The following RBFOX1 variants were observed in gnomAD, a reference collection of about 807,000 sequenced individuals.
The protein encoded by RBFOX1 is RNA binding fox-1 homolog 1.
In RBFOX1, 8 loss-of-function variants were observed where a neutral mutation model predicts 57.7. The observed-to-expected ratio is 0.14, with a 90% confidence interval of 0.08 to 0.25. RBFOX1 has a LOEUF of 0.25. Among genes scored for constraint, RBFOX1 ranks in the 10% least tolerant of loss-of-function variants. The pLI, the probability that RBFOX1 is intolerant of heterozygous loss-of-function variation, is 1.00. For synonymous variants in RBFOX1, 326 were observed against 222.4 expected, an observed-to-expected ratio of 1.47 and a Z score of -4.15; for missense variants, 611 against 548.5, an observed-to-expected ratio of 1.11 and a Z score of -1.14.
chr16:7,081,290 C>T (rs1411247313), intron 4 of RBFOX1, among the ~76,000 whole-genome samples: 1 of 152,204 alleles, frequency 6.6e-6, no homozygotes, highest in Non-Finnish European at 1.5e-5. Flanking sequence ...CAGCCTTGGC[C>T]TCCCAAAGTG....
chr16:6,476,505 G>A (rs1237662946), intron 2 of RBFOX1, among the ~76,000 whole-genome samples: 1 of 152,178 alleles, frequency 6.6e-6, no homozygotes, highest in Non-Finnish European at 1.5e-5. Flanking sequence ...GTGTGCAATA[G>A]CATTGTATCT....
intron 4 of RBFOX1, among the ~76,000 whole-genome samples, chr16:7,279,427 C>G (rs1040131876): frequency 1.3e-5 from 2 of 152,158 alleles, no homozygotes; most frequent in Non-Finnish European, 2.9e-5. Flanking sequence ...CTTTCTGTTA[C>G]TCGTTTATTC....
At chr16:5,747,992 G>T (rs557706437) in intron 3 of RBFOX1, among the ~76,000 whole-genome samples, 2 of 152,142 alleles carry the variant, frequency 1.3e-5, no homozygotes, top group South Asian at 4.2e-4. Flanking sequence ...GATCTTTCCT[G>T]CTTTCTGTTG....
In RBFOX1 at chr16:6,019,842, C is replaced by G; in HGVS notation, c.-277C>G. On this transcript the variant is annotated 5_prime_UTR_variant, in exon 1 of 16. Transcript: ENST00000550418. The surrounding 1 kb of genome is among the most constrained non-coding windows in gnomAD (Gnocchi z 4.2). ...CGCGCCAGGGCGGGGCTGACCTGCC[C>G]GCGAAGTTGCGGACAGTGCGTGAGA... 6.6e-7 allele frequency: 1 copy of G among 1,524,926 alleles called. No individual in the cohort carries two copies. The highest frequency in any genetic ancestry group is 8.8e-7 in the Non-Finnish European group (1 of 1,140,522). The allele number at this position is 1,524,926 out of a possible 1,614,324, so 94.5% of individuals were successfully genotyped here.
chr16:5,555,520 G>A (rs895640942), intron 2 of RBFOX1, among the ~76,000 whole-genome samples: 1 of 151,928 alleles, frequency 6.6e-6, no homozygotes, highest in African/African-American at 2.4e-5. Flanking sequence ...CAAAGTGCTG[G>A]GATTACAGGC....
At chr16:6,295,784 C>G (rs1323074706) in intron 1 of RBFOX1, among the ~76,000 whole-genome samples, 1 of 152,086 alleles carries the variant, frequency 6.6e-6, no homozygotes, top group African/African-American at 2.4e-5. Context: ...GTGCAGAGCC[C>G]GCTGTTCACA....
chr16:6,854,650 A>G (rs1295722448), intron 3 of RBFOX1, among the ~76,000 whole-genome samples: 1 of 126,636 alleles, frequency 7.9e-6, no homozygotes, highest in Non-Finnish European at 1.5e-5. Flanking sequence ...GCTGGAGTGC[A>G]GTGGCGCTAT....
chr16:6,325,697 G>T (rs1159554350), intron 2 of RBFOX1, among the ~76,000 whole-genome samples: 2 of 152,084 alleles, frequency 1.3e-5, no homozygotes, highest in African/African-American at 4.8e-5. Flanking sequence ...TGGTTAATAC[G>T]ATATGGAAAC....
intron 2 of RBFOX1, among the ~76,000 whole-genome samples, chr16:6,522,247 C>A (rs2096516048): frequency 6.6e-6 from 1 of 151,198 alleles, no homozygotes; most frequent in African/African-American, 2.4e-5. Flanking sequence ...TAAACCTCTG[C>A]CCTACCCCCA....
chr16:7,655,785 A>G (rs2066158457), intron 12 of RBFOX1, among the ~76,000 whole-genome samples: 1 of 152,228 alleles, frequency 6.6e-6, no homozygotes, highest in Non-Finnish European at 1.5e-5. Context: ...TCTCACTACT[A>G]TATTGAAGAG....
chr16:5,499,434 C>G (rs374339471), intron 2 of RBFOX1, among the ~76,000 whole-genome samples: 2 of 152,188 alleles, frequency 1.3e-5, no homozygotes, highest in East Asian at 1.9e-4. Flanking sequence ...GTGTAAACAT[C>G]AACTCTTCAC....
At chr16:6,004,381 G>C (rs2060656663) in intron 4 of RBFOX1, among the ~76,000 whole-genome samples, 1 of 152,144 alleles carries the variant, frequency 6.6e-6, no homozygotes, top group Admixed American at 6.5e-5. Flanking sequence ...GAGTCATAAT[G>C]AGGGTTTACA....
At position 6,944,046 on chromosome 16, in the gene RBFOX1, C is replaced by T. The variant is rs114412651; in HGVS notation, c.-15-108011C>T. 1.9e-3 allele frequency among the ~76,000 whole-genome samples: 290 copies of T among 152,214 alleles called. 1 individual carries two copies. The highest frequency in any genetic ancestry group is 6.5e-3 in the African/African-American group (270 of 41,534). ...GCTGAAGTTTTTATTTTAACAGGGA[C>T]AACCAACACTGCAAAGCCTGAAACC... is the stretch of plus-strand genomic sequence containing the variant. On this transcript the variant is annotated intron_variant, in intron 3 of 15. Transcript: ENST00000550418.
intron 1 of RBFOX1, among the ~76,000 whole-genome samples, chr16:5,438,315 AAG>A (rs1422986352): frequency 3.9e-5 from 6 of 152,176 alleles, no homozygotes; most frequent in Non-Finnish European, 8.8e-5. Context: ...ACAGGTAGGA[AAG>A]AGGGAGGATC....
rs143633229 is a variant in RBFOX1, at chr16:6,246,828, GA to G, written c.-126-70166del. ...TCACGCCTATAATCCCAGCACTTTA[GA>G]TGGCTGAGGCGGGCGGATCACCTGA... On this transcript the variant is annotated intron_variant, in intron 1 of 15. Transcript: ENST00000550418. 2.2e-3 allele frequency among the ~76,000 whole-genome samples: 337 copies of G among 152,292 alleles called. 5 individuals are homozygous for G. The East Asian group carries it at 0.057, about 26-fold the overall frequency.
At chr16:6,934,365 GTA>G (rs2077033518) in intron 3 of RBFOX1, among the ~76,000 whole-genome samples, 1 of 152,122 alleles carries the variant, frequency 6.6e-6, no homozygotes, top group African/African-American at 2.4e-5. Flanking sequence ...AAATATGTGA[GTA>G]TTTTTTTACA....
At chr16:5,905,433 C>A (rs1311607626) in intron 4 of RBFOX1, among the ~76,000 whole-genome samples, 3 of 152,054 alleles carry the variant, frequency 2.0e-5, no homozygotes, top group African/African-American at 7.2e-5. Context: ...CACAGAAGGC[C>A]AGGCGCAGTG....
At chr16:6,398,076 C>G (rs140197172) in intron 2 of RBFOX1, among the ~76,000 whole-genome samples, 59 of 152,246 alleles carry the variant, frequency 3.9e-4, no homozygotes, top group African/African-American at 1.3e-3. Flanking sequence ...GAAGGGTAAG[C>G]AAACACGTCC....
intron 1 of RBFOX1, among the ~76,000 whole-genome samples, chr16:5,290,979 C>T (rs1011300179): frequency 1.2e-4 from 18 of 152,194 alleles, no homozygotes; most frequent in African/African-American, 4.1e-4. Flanking sequence ...GGATTACAGG[C>T]GTGAGCCACT....
Sources: gnomAD v4.1 joint callset for allele counts (sites outside exome capture counted in the v4.1 genomes callset) on GRCh38, gnomAD v4.1.1 for gene constraint, Gnocchi (gnomAD v3.1) non-coding constraint, MANE v1.5 for transcripts, NCBI Gene and HGNC (gene_info 2026-07-23, HGNC 2026-07-21) for gene names.